Variants in BMP8B observed in about 807,000 individuals in gnomAD.
BMP8B encodes bone morphogenetic protein 8 (osteogenic protein 2).
BMP8B carries 17 observed loss-of-function variants against 30.3 expected under a neutral mutation model. The ratio of observed to expected loss-of-function variants is 0.56; its 90% CI spans 0.38 to 0.84. BMP8B has a LOEUF of 0.84. Ranked by LOEUF, BMP8B falls within the 40% of genes least tolerant of loss-of-function variation. The probability of loss-of-function intolerance (pLI) is 0.00; values close to 1 mark genes in which losing one functional copy is unlikely to be tolerated. For missense variants in BMP8B, 253 were observed against 494.6 expected (o/e 0.51, Z 4.63); for synonymous variants, 131 against 214.7 (o/e 0.61, Z 3.41).
chr1:39,788,221 C>T lies in BMP8B; in HGVS notation c.265G>A (p.Asp89Asn), dbSNP rs766338607. Residue 89 changes from aspartate to asparagine, a missense_variant, in exon 1 of 7, where the codon GAC becomes AAC. This residue lies in a region of BMP8B where 52 missense variants were observed against 68.3 expected (regional missense o/e 0.76). Coordinates refer to ENST00000372827, the MANE Select transcript of BMP8B (RefSeq NM_001720.5). The surrounding 1 kb of genome is among the most constrained non-coding windows in gnomAD (Gnocchi z 5.8). The stretch of plus-strand genomic sequence containing the variant: ...CGCTCCGCGGGCGCGCCGTCCTCGT[C>T]GTCGTCGCCGGCCATGGCGTGGTAC... ...DLYHAMAGDD[D>N]EDGAPAERRL... 1.9e-6 allele frequency: 3 copies of T among 1,571,250 alleles called. No individual in the cohort carries two copies. Among genetic ancestry groups the T allele is most frequent in the Admixed American group, 1.7e-5 (1 of 57,208 alleles).
Position 39,760,177 on chromosome 1 carries a change from GGTAGAA to G in BMP8B, c.*236_*241del. The G allele has an allele frequency of 1.5e-6, 1 of 672,118 alleles. No individual in the cohort carries two copies. Among genetic ancestry groups the G allele is most frequent in the African/African-American group, 1.8e-5 (1 of 55,196 alleles). The allele number at this position is 672,118 out of a possible 1,614,324, so 41.6% of individuals were successfully genotyped here. Reference sequence around the variant, plus strand: ...CCTCCGGGAGAGGCGTTTGCATTTGGGTAGAACACTGCCTGATGATTGAGACCACCT... The same window carrying G: ...CCTCCGGGAGAGGCGTTTGCATTTGGCACTGCCTGATGATTGAGACCACCT... On this transcript the variant is annotated 3_prime_UTR_variant, in exon 7 of 7. Coordinates refer to ENST00000372827, the MANE Select transcript of BMP8B (RefSeq NM_001720.5).
Position 39,760,029 on chromosome 1 carries a change from C to A in BMP8B, c.*390G>T. The A allele has an allele frequency of 4.0e-6, 1 of 247,010 alleles. No homozygotes were observed. Among genetic ancestry groups the A allele is most frequent in the Non-Finnish European group, 8.0e-6 (1 of 124,952 alleles). The allele number at this position is 247,010 out of a possible 1,614,324, so 15.3% of individuals were successfully genotyped here. A position where few individuals can be genotyped will look rare whatever the true frequency, so the allele number is the denominator to read the frequency against. On this transcript the variant is annotated 3_prime_UTR_variant, in exon 7 of 7. Coordinates refer to ENST00000372827, the MANE Select transcript of BMP8B (RefSeq NM_001720.5). Reference sequence around the variant, plus strand: ...ATGGTGAAGAGCTCAAGGTGGCCAACAGTGGGCTCCAGGTGCCTCTCAGGT... The same window carrying A: ...ATGGTGAAGAGCTCAAGGTGGCCAAAAGTGGGCTCCAGGTGCCTCTCAGGT...
intron 3 of BMP8B, among the ~76,000 whole-genome samples, chr1:39,772,453 T>C (rs1159393533): frequency 1.3e-5 from 1 of 75,986 alleles, no homozygotes; most frequent in African/African-American, 7.0e-5. Context: ...TCCACTTACA[T>C]GCCAGCACCT....
Position 39,762,716 on chromosome 1 carries a change from A to G in BMP8B, c.1059+376T>C, listed in dbSNP as rs1649164505. On this transcript the variant is annotated intron_variant, in intron 6 of 6. Transcript: ENST00000372827. The stretch of plus-strand genomic sequence containing the variant: ...CATATCACGGGCGGTCAGACTTGCC[A>G]GCGTACTCGGCGGCCCGTGTGCTAA... 19 of 1,454,966 alleles carry G rather than the reference A, an allele frequency of 1.3e-5. No individual in the cohort carries two copies. In the South Asian group the frequency reaches 2.6e-4, roughly 20 times the overall value. 90.1% of individuals were successfully genotyped at this position (1,454,966 alleles called of 1,614,324 possible). A position where few individuals can be genotyped will look rare whatever the true frequency, so the allele number is the denominator to read the frequency against.
intron 1 of BMP8B, among the ~76,000 whole-genome samples, chr1:39,783,802 C>T (rs1213204279): frequency 6.6e-6 from 1 of 152,110 alleles, no homozygotes; most frequent in African/African-American, 2.4e-5. Flanking sequence ...TCTAGCCATT[C>T]AGGAGGCTGA....
intron 4 of BMP8B, 76 bp from the exon 5 acceptor site, chr1:39,763,867 G>GA (rs1557473557): frequency 6.8e-7 from 1 of 1,472,572 alleles, no homozygotes; most frequent in African/African-American, 1.5e-5. Context: ...CAGGGTGGGG[G>GA]ATGCCCTGAT....
At chr1:39,781,719 C>A (rs557204766) in intron 1 of BMP8B, among the ~76,000 whole-genome samples, 93 of 152,288 alleles carry the variant, frequency 6.1e-4, no homozygotes, top group African/African-American at 2.2e-3. Context: ...ACTGGGAGCT[C>A]TGGGGGCTGG....
chr1:39,779,197 G>A (rs922106798), intron 1 of BMP8B, among the ~76,000 whole-genome samples: 1 of 152,222 alleles, frequency 6.6e-6, no homozygotes, highest in Non-Finnish European at 1.5e-5. Flanking sequence ...CCTCCAGGCA[G>A]GGCCCTGTGG....
chr1:39,760,338 G>A lies in BMP8B; in HGVS notation c.*81C>T. 3.8e-6 allele frequency: 6 copies of A among 1,585,908 alleles called. No individual in the cohort carries two copies. Among genetic ancestry groups the A allele is most frequent in the Non-Finnish European group, 5.1e-6 (6 of 1,168,286 alleles). ...CTGGCAATGCCCCGGCCTGGGGTCT[G>A]GCTGGGTTTGAGGGTTTCCTGCTTC... On this transcript the variant is annotated 3_prime_UTR_variant, in exon 7 of 7. Coordinates refer to ENST00000372827, the MANE Select transcript of BMP8B (RefSeq NM_001720.5).
intron 3 of BMP8B, among the ~76,000 whole-genome samples, chr1:39,768,221 T>G (rs550560087): frequency 6.1e-4 from 92 of 149,834 alleles, no homozygotes; most frequent in African/African-American, 2.1e-3. Context: ...GAGGAGGGCC[T>G]AAGTGTCTGG....
At chr1:39,763,046 GGGCCCCCCACCCCA>G (rs752096760) in intron 6 of BMP8B, 32 bp downstream of exon 6, 67 of 1,599,168 alleles carry the variant, frequency 4.2e-5, no homozygotes, top group Non-Finnish European at 5.4e-5. Context: ...CCTCTCCACA[GGGCCCCCCACCCCA>G]GGGGGCTGGG....
In BMP8B at chr1:39,775,007, C is replaced by T; in HGVS notation, c.366G>A (p.Glu122=). The change falls in exon 2 of 7, where the codon GAG becomes GAA. Residue 122 remains glutamate, a synonymous_variant. Coordinates refer to ENST00000372827, the MANE Select transcript of BMP8B (RefSeq NM_001720.5). ...VERDRALGHQ[E]PHWKEFRFDL... The stretch of plus-strand genomic sequence containing the variant: ...CAAAGCGGAACTCCTTCCAATGGGG[C>T]TCCTGGTGGCCCAGGGCACGGTCTC... 6.9e-7 allele frequency: 1 copy of T among 1,447,034 alleles called. No homozygotes were observed. The highest frequency in any genetic ancestry group is 9.2e-7 in the Non-Finnish European group (1 of 1,082,684). The allele number at this position is 1,447,034 out of a possible 1,614,324, so 89.6% of individuals were successfully genotyped here.
intron 6 of BMP8B, chr1:39,762,604 G>T: frequency 1.3e-6 from 2 of 1,550,104 alleles, no homozygotes; most frequent in East Asian, 4.9e-5. Flanking sequence ...AAGCCAAAAG[G>T]TTGAGAGCCA....
intron 1 of BMP8B, among the ~76,000 whole-genome samples, chr1:39,779,992 C>T (rs1383745444): frequency 6.6e-6 from 1 of 152,210 alleles, no homozygotes; most frequent in Non-Finnish European, 1.5e-5. Context: ...GCTGACGGAT[C>T]CACTTCCACG....
intron 1 of BMP8B, among the ~76,000 whole-genome samples, 188 bp downstream of exon 1, chr1:39,787,964 A>T (rs1219977669): frequency 6.6e-6 from 1 of 151,638 alleles, no homozygotes; most frequent in Non-Finnish European, 1.5e-5. Flanking sequence ...GCTCCTGACC[A>T]CCCCGCAGCC....
At chr1:39,761,578 A>G (rs1039376012) in intron 6 of BMP8B, among the ~76,000 whole-genome samples, 2 of 152,010 alleles carry the variant, frequency 1.3e-5, no homozygotes. Context: ...GCCCTAGGGG[A>G]GCCGGCCCTG....
At chr1:39,776,512 T>C (rs1650242182) in intron 1 of BMP8B, among the ~76,000 whole-genome samples, 2 of 152,192 alleles carry the variant, frequency 1.3e-5, no homozygotes, top group African/African-American at 4.8e-5. Context: ...CCGAGGCGGA[T>C]GTGGGGAGCA....
intron 1 of BMP8B, among the ~76,000 whole-genome samples, chr1:39,782,508 C>G (rs1650713504): frequency 6.6e-6 from 1 of 151,872 alleles, no homozygotes; most frequent in Non-Finnish European, 1.5e-5. Flanking sequence ...GCTCCTGTTG[C>G]TCAGGCTGGA....
intron 5 of BMP8B, 125 bp from the exon 6 acceptor site, chr1:39,763,327 C>T (rs1043009750): frequency 2.6e-5 from 26 of 984,986 alleles, no homozygotes; most frequent in South Asian, 1.8e-4. Context: ...CAGGAACCCC[C>T]GGCAGAAAAG....
Sources: allele counts gnomAD v4.1 joint callset (sites outside exome capture counted in the v4.1 genomes callset), GRCh38; gene constraint gnomAD v4.1.1; regional missense constraint gnomAD v4.1.1; non-coding constraint Gnocchi (gnomAD v3.1); transcripts MANE v1.5; gene names NCBI Gene and HGNC (gene_info 2026-07-23, HGNC 2026-07-21).